Variants in CTNNA3 observed in about 807,000 individuals in gnomAD.
The protein encoded by CTNNA3 is catenin alpha 3.
In CTNNA3, 76 loss-of-function variants were observed where a neutral mutation model predicts 95.7. The observed-to-expected ratio is 0.79, with a 90% CI of 0.66 to 0.96. The LOEUF (loss-of-function observed/expected upper bound fraction) is 0.96, where lower values mean the gene tolerates loss of function less well. Among genes scored for constraint, CTNNA3 ranks in the 40% least tolerant of loss-of-function variants. CTNNA3 has a pLI of 0.00. For missense variants in CTNNA3, 1,191 were observed against 1,089.8 expected, an observed-to-expected ratio of 1.09 and a Z score of -1.31; for synonymous variants, 431 against 374.4, an observed-to-expected ratio of 1.15 and a Z score of -1.74.
intron 9 of CTNNA3, among the ~76,000 whole-genome samples, chr10:66,641,999 T>G (rs1845531246): frequency 6.6e-6 from 1 of 152,114 alleles, no homozygotes; most frequent in African/African-American, 2.4e-5. Flanking sequence ...TATCTGAGCC[T>G]GTTGCCTTCT....
chr10:67,591,418 T>C (rs1842784622), intron 3 of CTNNA3, among the ~76,000 whole-genome samples: 1 of 152,002 alleles, frequency 6.6e-6, no homozygotes, highest in African/African-American at 2.4e-5. Flanking sequence ...ATTACACAAA[T>C]TAGATATGGA....
chr10:67,704,655 A>T (rs2133606257), intron 1 of CTNNA3, among the ~76,000 whole-genome samples: 2 of 152,272 alleles, frequency 1.3e-5, no homozygotes, highest in South Asian at 4.1e-4. Flanking sequence ...TACATGTTAG[A>T]CCTAAAACCA....
At chr10:67,028,173 CCTTTT>C (rs1157663915) in intron 7 of CTNNA3, among the ~76,000 whole-genome samples, 1 of 152,156 alleles carries the variant, frequency 6.6e-6, no homozygotes, top group Non-Finnish European at 1.5e-5. Context: ...TGGAGCCCAA[CCTTTT>C]CTTTTCACTG....
At chr10:66,384,013 C>T (rs1020688049) in intron 11 of CTNNA3, among the ~76,000 whole-genome samples, 44 of 152,232 alleles carry the variant, frequency 2.9e-4, no homozygotes, top group Non-Finnish European at 1.8e-4. Context: ...TAAAGACCAT[C>T]GATGCTATGA....
At chr10:67,044,172 C>G (rs1854582919) in intron 7 of CTNNA3, among the ~76,000 whole-genome samples, 1 of 151,990 alleles carries the variant, frequency 6.6e-6, no homozygotes, top group Admixed American at 6.6e-5. Context: ...CTAGCTCTCA[C>G]TTATAAGTGA....
chr10:66,858,363 TTTG>T (rs1312748875), intron 7 of CTNNA3, among the ~76,000 whole-genome samples: 1 of 151,912 alleles, frequency 6.6e-6, no homozygotes, highest in South Asian at 2.1e-4. Context: ...TTTAAGTTTT[TTTG>T]TTGTTGTGTC....
intron 5 of CTNNA3, among the ~76,000 whole-genome samples, chr10:67,303,928 A>G (rs1013663595): frequency 3.9e-5 from 6 of 151,990 alleles, no homozygotes; most frequent in African/African-American, 1.4e-4. Flanking sequence ...ACAAGCTACA[A>G]CCTACTGACT....
At chr10:66,429,085 C>T (rs1256724288) in intron 11 of CTNNA3, among the ~76,000 whole-genome samples, 1 of 151,946 alleles carries the variant, frequency 6.6e-6, no homozygotes, top group African/African-American at 2.4e-5. Context: ...ACCACCGATC[C>T]CACAGAAATA....
chr10:66,982,700 A>G (rs560584951), intron 7 of CTNNA3, among the ~76,000 whole-genome samples: 114 of 152,364 alleles, frequency 7.5e-4, no homozygotes, highest in African/African-American at 2.6e-3. Context: ...GTCAGATGGC[A>G]AAAGATAAGC....
At chr10:66,588,842 A>G (rs761014674) in intron 10 of CTNNA3, among the ~76,000 whole-genome samples, 7 of 152,242 alleles carry the variant, frequency 4.6e-5, no homozygotes, top group African/African-American at 9.6e-5. Context: ...GCAAAAATTC[A>G]TTACAATTGA....
intron 7 of CTNNA3, among the ~76,000 whole-genome samples, chr10:66,823,998 T>C (rs558428403): frequency 6.6e-6 from 1 of 151,826 alleles, no homozygotes; most frequent in Non-Finnish European, 1.5e-5. Flanking sequence ...ATGTGAATGT[T>C]CTTTCATTTG....
intron 5 of CTNNA3, among the ~76,000 whole-genome samples, chr10:67,354,857 G>A (rs1245619429): frequency 1.3e-5 from 2 of 151,928 alleles, no homozygotes; most frequent in Admixed American, 6.6e-5. Context: ...GTGACGATAT[G>A]AGCTTTCCCT....
intron 7 of CTNNA3, among the ~76,000 whole-genome samples, chr10:66,983,674 C>T (rs1850571850): frequency 6.6e-6 from 1 of 152,118 alleles, no homozygotes; most frequent in Non-Finnish European, 1.5e-5. Context: ...CAGAAATGAC[C>T]TCAGGTGGAG....
rs549943295 is a variant in CTNNA3 at position 67,418,503 on chromosome 10, C to T, written c.579+103339G>A. Among the ~76,000 whole-genome samples, 16 of 102,720 alleles carry T rather than the reference C, an allele frequency of 1.6e-4. 1 individual carries two copies. In the South Asian group the frequency reaches 4.5e-3, roughly 29 times the overall value. 67.4% of individuals were successfully genotyped at this position (102,720 alleles called of 152,430 possible). A position where few individuals can be genotyped will look rare whatever the true frequency, so the allele number is the denominator to read the frequency against. On this transcript the variant is annotated intron_variant, in intron 5 of 17. Coordinates refer to ENST00000433211, the MANE Select transcript of CTNNA3 (RefSeq NM_013266.4). Reference sequence around the variant, plus strand: ...AGGGGTATACACACACAATTGAATACTATTTCACTGTAAAAAAAAAAAAAG... The same window carrying T: ...AGGGGTATACACACACAATTGAATATTATTTCACTGTAAAAAAAAAAAAAG...
At chr10:67,661,686 A>T (rs545081645) in intron 1 of CTNNA3, among the ~76,000 whole-genome samples, 2 of 152,354 alleles carry the variant, frequency 1.3e-5, no homozygotes, top group African/African-American at 4.8e-5. Context: ...CTCAATAATT[A>T]AATGAAAAAC....
chr10:66,609,968 A>G (rs1444988715), intron 10 of CTNNA3, among the ~76,000 whole-genome samples: 1 of 152,152 alleles, frequency 6.6e-6, no homozygotes, highest in Non-Finnish European at 1.5e-5. Context: ...ATGGAGCTGG[A>G]GGCCATTATT....
intron 17 of CTNNA3, among the ~76,000 whole-genome samples, chr10:65,941,922 C>T (rs1338682684): frequency 6.6e-6 from 1 of 152,134 alleles, no homozygotes; most frequent in Non-Finnish European, 1.5e-5. Context: ...ATTTCTAGAA[C>T]TGGTGTTTCT....
At chr10:66,250,723 A>C (rs1173075046) in intron 13 of CTNNA3, among the ~76,000 whole-genome samples, 2 of 152,064 alleles carry the variant, frequency 1.3e-5, no homozygotes, top group African/African-American at 2.4e-5. Flanking sequence ...CTCTTTGTCT[A>C]TGCTTCTATT....
At chr10:66,557,750 T>C (rs1472214676) in intron 10 of CTNNA3, among the ~76,000 whole-genome samples, 3 of 152,176 alleles carry the variant, frequency 2.0e-5, no homozygotes, top group South Asian at 2.1e-4. Flanking sequence ...CTCCTCCTTT[T>C]CCTGATTATG....
Sources: allele counts gnomAD v4.1 joint callset (sites outside exome capture counted in the v4.1 genomes callset), GRCh38; gene constraint gnomAD v4.1.1; transcripts MANE v1.5; gene names NCBI Gene and HGNC (gene_info 2026-07-23, HGNC 2026-07-21).